FGFR1OP2: variants seen among roughly 807,000 people sequenced by gnomAD.
FGFR1OP2 encodes the protein FGFR1 oncogene partner 2.
Under a neutral mutation model 35.2 loss-of-function variants are expected in FGFR1OP2, and 17 were observed. The observed-to-expected ratio is 0.48, with a 90% CI of 0.33 to 0.73. FGFR1OP2 has a LOEUF of 0.73. Ranked by LOEUF, FGFR1OP2 falls within the 30% of genes least tolerant of loss-of-function variation. The pLI is 0.02. For missense variants in FGFR1OP2, 251 were observed against 307.3 expected, an observed-to-expected ratio of 0.82 and a Z score of 1.37; for synonymous variants, 105 against 104.6, an observed-to-expected ratio of 1.00 and a Z score of -0.03.
chr12:26,943,249 T>C (rs1432605737), intron 1 of FGFR1OP2, among the ~76,000 whole-genome samples: 1 of 151,556 alleles, frequency 6.6e-6, no homozygotes, highest in Admixed American at 6.6e-5. Context: ...AAAAATCCAT[T>C]GGCCATTTTT....
intron 1 of FGFR1OP2, among the ~76,000 whole-genome samples, chr12:26,941,120 A>C (rs943475109): frequency 2.6e-5 from 4 of 152,168 alleles, no homozygotes; most frequent in African/African-American, 9.6e-5. Flanking sequence ...TGCTAAAAAA[A>C]AAAAGAGATT....
intron 5 of FGFR1OP2, chr12:26,962,092 C>T (rs1293448625): frequency 6.6e-6 from 1 of 152,296 alleles, no homozygotes; most frequent in African/African-American, 2.4e-5. Context: ...GGCTGTTGAG[C>T]ACTTGCAGTG....
intron 1 of FGFR1OP2, among the ~76,000 whole-genome samples, chr12:26,950,006 T>C (rs1461206253): frequency 6.6e-6 from 1 of 152,098 alleles, no homozygotes; most frequent in Non-Finnish European, 1.5e-5. Context: ...ATTTTGTGTA[T>C]CTATCATGGA....
chr12:26,945,866 A>C (rs1337340798), intron 1 of FGFR1OP2, among the ~76,000 whole-genome samples: 2 of 151,998 alleles, frequency 1.3e-5, no homozygotes, highest in Non-Finnish European at 2.9e-5. Context: ...CGTCTCAAAA[A>C]AAAAAAAAAA....
chr12:26,952,070 A>T (rs1213556079), intron 1 of FGFR1OP2, among the ~76,000 whole-genome samples: 1 of 145,178 alleles, frequency 6.9e-6, no homozygotes, highest in African/African-American at 2.5e-5. Flanking sequence ...TTTTCTTAGT[A>T]CAAGTCAGTG....
At chr12:26,951,906 C>G (rs373305538) in intron 1 of FGFR1OP2, among the ~76,000 whole-genome samples, 3 of 152,096 alleles carry the variant, frequency 2.0e-5, no homozygotes, top group East Asian at 3.8e-4. Flanking sequence ...TTAGAGAGTT[C>G]TATTACTTGA....
rs374623234 is a variant in FGFR1OP2, at chr12:26,943,859, G to A, written c.-15+5149G>A. Among the ~76,000 whole-genome samples, 6 of 152,130 alleles carry A rather than the reference G, an allele frequency of 3.9e-5. 1 individual carries two copies. The highest frequency in any genetic ancestry group is 2.1e-4 in the South Asian group (1 of 4,816). The stretch of plus-strand genomic sequence containing the variant: ...AAGAAAAAGAAAACTTCCCTACTAT[G>A]TTGAGTCTTCCAGTCCATGAACACA... On this transcript the variant is annotated intron_variant, in intron 1 of 6. Transcript: ENST00000229395.
intron 5 of FGFR1OP2, chr12:26,962,058 G>T (rs1033537556): frequency 6.6e-6 from 1 of 152,212 alleles, no homozygotes; most frequent in Non-Finnish European, 1.5e-5. Context: ...GTGCTGTCCA[G>T]TGTGGAAGCC....
Position 26,966,215 on chromosome 12 carries a change from C to T in FGFR1OP2, c.*1482C>T, listed in dbSNP as rs1592256668. On this transcript the variant is annotated 3_prime_UTR_variant, in exon 7 of 7. Transcript: ENST00000229395. ...TAGATTTCTTTTTTTCAGTCAGAGG[C>T]CTTATTTGATATTTTATAAATAAAT... The T allele has an allele frequency of 2.6e-5, 4 of 151,564 alleles. No individual in the cohort carries two copies. The East Asian group carries it at 7.8e-4, about 29-fold the overall frequency. The allele number at this position is 151,564 out of a possible 1,614,324, so 9.4% of individuals were successfully genotyped here.
intron 1 of FGFR1OP2, among the ~76,000 whole-genome samples, chr12:26,948,215 A>T (rs900064073): frequency 2.2e-4 from 34 of 152,348 alleles, no homozygotes; most frequent in African/African-American, 6.5e-4. Flanking sequence ...AAAAGAACTA[A>T]GAGGAAAATA....
At chr12:26,961,294 T>C (rs1939102365) in intron 5 of FGFR1OP2, 1 of 152,210 alleles carries the variant, frequency 6.6e-6, no homozygotes, top group Non-Finnish European at 1.5e-5. Context: ...CTGTGATACT[T>C]CTCTGAAGAT....
intron 2 of FGFR1OP2, 47 bp downstream of exon 2, chr12:26,954,340 T>C: frequency 6.4e-7 from 1 of 1,553,466 alleles, no homozygotes; most frequent in Non-Finnish European, 8.7e-7. Flanking sequence ...AAGCAGTCAT[T>C]GACATTTATG....
chr12:26,956,050 A>G (rs537292615), intron 2 of FGFR1OP2, among the ~76,000 whole-genome samples: 1 of 152,104 alleles, frequency 6.6e-6, no homozygotes, highest in African/African-American at 2.4e-5. Flanking sequence ...CTCATCAGCT[A>G]TCGTTAGCAT....
intron 1 of FGFR1OP2, among the ~76,000 whole-genome samples, chr12:26,946,997 T>G (rs1592247623): frequency 6.6e-6 from 1 of 152,154 alleles, no homozygotes; most frequent in East Asian, 1.9e-4. Context: ...GTAGCCTGTT[T>G]CAGGGCATCA....
Position 26,952,766 on chromosome 12 carries a change from C to A in FGFR1OP2, c.-14-1379C>A, listed in dbSNP as rs139522511. ...CCAGGGCAGTGGTATATAACAAAGTCCTGAATTCTGTGGCAAATTGCTGTT... is the reference window on the plus strand; with the variant it reads ...CCAGGGCAGTGGTATATAACAAAGTACTGAATTCTGTGGCAAATTGCTGTT... On this transcript the variant is annotated intron_variant, in intron 1 of 6. Coordinates refer to ENST00000229395, the MANE Select transcript of FGFR1OP2 (RefSeq NM_015633.3). Among the ~76,000 whole-genome samples, 714 of 149,218 alleles carry A rather than the reference C, an allele frequency of 4.8e-3. 7 individuals are homozygous for A. Among genetic ancestry groups the A allele is most frequent in the African/African-American group, 0.017 (695 of 40,400 alleles).
chr12:26,946,182 T>C (rs1017272349), intron 1 of FGFR1OP2, among the ~76,000 whole-genome samples: 2 of 152,218 alleles, frequency 1.3e-5, no homozygotes, highest in Non-Finnish European at 2.9e-5. Context: ...CATTTGTATT[T>C]TGAAGCTCTT....
At chr12:26,956,681 A>G in intron 3 of FGFR1OP2, 21 bp downstream of exon 3, 1 of 1,411,186 alleles carries the variant, frequency 7.1e-7, no homozygotes, top group Non-Finnish European at 9.8e-7. Flanking sequence ...TTACTTTTTG[A>G]CATTAATCCC....
chr12:26,952,109 A>G (rs971048096), intron 1 of FGFR1OP2, among the ~76,000 whole-genome samples: 1 of 80,506 alleles, frequency 1.2e-5, no homozygotes, highest in East Asian at 3.2e-4. Context: ...TTTTTTTTTA[A>G]TTTTGCTTTA....
intron 4 of FGFR1OP2, among the ~76,000 whole-genome samples, chr12:26,959,800 G>A (rs1257296632): frequency 2.6e-5 from 4 of 152,044 alleles, no homozygotes; most frequent in East Asian, 3.9e-4. Flanking sequence ...GAGACACTTC[G>A]ACTTAATTAA....
Sources: allele counts gnomAD v4.1 joint callset (sites outside exome capture counted in the v4.1 genomes callset), GRCh38; gene constraint gnomAD v4.1.1; transcripts MANE v1.5; gene names NCBI Gene and HGNC (gene_info 2026-07-23, HGNC 2026-07-21).